NUPR2: variants seen among roughly 807,000 people sequenced by gnomAD.
NUPR2 encodes nuclear protein 2.
A neutral mutation model predicts 7.3 loss-of-function variants in NUPR2; 14 were observed. The observed-to-expected ratio is 1.93, with a 90% CI of 1.27 to 3.01. NUPR2 has a LOEUF of 3.01. NUPR2 is among the 30% of genes most tolerant of loss of function. NUPR2 has a pLI of 0.00. For missense variants in NUPR2, 162 were observed against 143.7 expected, an observed-to-expected ratio of 1.13 and a Z score of -0.65; for synonymous variants, 56 against 59.7, an observed-to-expected ratio of 0.94 and a Z score of 0.29.
At chr7:56,115,009 C>G (rs1310686582) in intron 1 of NUPR2, 112 bp from the exon 2 acceptor site, 2 of 151,904 alleles carry the variant, frequency 1.3e-5, no homozygotes, top group African/African-American at 4.8e-5. Context: ...GATCATGGCT[C>G]ACTGCAGCCT....
chr7:56,115,394 CATATATATATATATATATAT>C (rs1201360215), intron 1 of NUPR2, among the ~76,000 whole-genome samples: 1 of 30,736 alleles, frequency 3.3e-5, no homozygotes, highest in Non-Finnish European at 5.3e-5. Context: ...GGCTCGATCG[CATATATATATATATATATAT>C]ATATATATAT....
chr7:56,116,193 G>T lies in NUPR2; in HGVS notation c.122C>A (p.Pro41Gln), dbSNP rs1399244963. The T allele has an allele frequency of 1.3e-6, 2 of 1,548,884 alleles. No individual in the cohort carries two copies. Among genetic ancestry groups the T allele is most frequent in the East Asian group, 2.5e-5 (1 of 40,686 alleles). ...CTTGCTGCGCCCTGCCCCGCAGGCC[G>T]GGAAGTCGCGCAGGTAGTAGTAGTC... Reference protein sequence around the residue: ...CLDYYYLRDFPACGAGRSKGR... With the variant: ...CLDYYYLRDFQACGAGRSKGR... The change falls in exon 1 of 2, where the codon CCG becomes CAG. Residue 41 changes from proline (P) to glutamine (Q), a missense_variant. Physicochemically the swap from Pro to Gln is moderately conservative, Grantham distance 76. Coordinates refer to ENST00000329309, the MANE Select transcript of NUPR2 (RefSeq NM_001145712.2).
rs1785525865 is a variant in NUPR2, at chr7:56,115,419, A to ACATATG, written c.*7-523_*7-522insCATATG. 4.4e-3 allele frequency among the ~76,000 whole-genome samples: 65 copies of ACATATG among 14,860 alleles called. 1 individual carries two copies. Among genetic ancestry groups the ACATATG allele is most frequent in the African/African-American group, 0.014 (20 of 1,404 alleles). The allele number at this position is 14,860 out of a possible 152,430, so 9.7% of individuals were successfully genotyped here. A position where few individuals can be genotyped will look rare whatever the true frequency, so the allele number is the denominator to read the frequency against. ...CATATATATATATATATATATATAT[A>ACATATG]TATATATATTTGTGTGTGTGTGTGT... On this transcript the variant is annotated intron_variant, in intron 1 of 1. Coordinates refer to ENST00000329309, the MANE Select transcript of NUPR2 (RefSeq NM_001145712.2).
In NUPR2 at chr7:56,115,969, T is replaced by G. The variant is rs1785543004; in HGVS notation, c.*6+46A>C. 4 of 1,390,044 alleles carry G rather than the reference T, an allele frequency of 2.9e-6. No individual in the cohort carries two copies. The South Asian group carries it at 6.1e-5, about 21-fold the overall frequency. The allele number at this position is 1,390,044 out of a possible 1,614,324, so 86.1% of individuals were successfully genotyped here. On this transcript the variant is annotated intron_variant, in intron 1 of 1. Coordinates refer to ENST00000329309, the MANE Select transcript of NUPR2 (RefSeq NM_001145712.2). ...GCGCCGCGCCGTGGGGGGACGCTCC[T>G]AGGGTCCCCGGGGCACTGGTTGGGG...
Position 56,116,293 on chromosome 7 carries a change from CCCGCTCTGCGGGCGCTT to C in NUPR2, c.5_21del (p.Glu2GlyfsTer105). ...GCCAGAGCCTGCAGACGTGGAAGCG[CCCGCTCTGCGGGCGCTT>C]CCATCCTGCCCAGGCCTGTGGCCAC... On this transcript the variant is annotated frameshift_variant, in exon 1 of 2. Transcript: ENST00000329309. LOFTEE classifies it high-confidence loss of function. 6.9e-7 allele frequency: 1 copy of C among 1,453,712 alleles called. No homozygotes were observed. The highest frequency in any genetic ancestry group is 9.0e-7 in the Non-Finnish European group (1 of 1,108,954). The allele number at this position is 1,453,712 out of a possible 1,614,324, so 90.1% of individuals were successfully genotyped here. A position where few individuals can be genotyped will look rare whatever the true frequency, so the allele number is the denominator to read the frequency against.
At chr7:56,115,429 T>TA (rs1554376538) in intron 1 of NUPR2, among the ~76,000 whole-genome samples, 3 of 31,000 alleles carry the variant, frequency 9.7e-5, no homozygotes, top group Non-Finnish European at 1.6e-4. Flanking sequence ...ATATATATAT[T>TA]TGTGTGTGTG....
At chr7:56,115,447 G>GTATATATATATATATA (rs1167993713) in intron 1 of NUPR2, among the ~76,000 whole-genome samples, 1,785 of 35,898 alleles carry the variant, frequency 0.05, 309 homozygotes, top group East Asian at 0.19. Context: ...GTGTGTGTGT[G>GTATATATATATATATA]TGTGTGTGTG....
Position 56,116,110 on chromosome 7 carries a change from C to G in NUPR2, c.205G>C (p.Glu69Gln), listed in dbSNP as rs1464595199. Residue 69 changes from glutamate to glutamine, a missense_variant, in exon 1 of 2, where the codon GAG becomes CAG. Glu to Gln is a conservative substitution (Grantham distance 29). Transcript: ENST00000329309. ...RTNWPAPGGH[E>Q]RKVAQKLLNG... Reference sequence around the variant, plus strand: ...AGGAGCTTCTGCGCGACCTTGCGCTCGTGCCCGCCAGGTGCAGGCCAGTTG... The same window carrying G: ...AGGAGCTTCTGCGCGACCTTGCGCTGGTGCCCGCCAGGTGCAGGCCAGTTG... 2.6e-6 allele frequency: 4 copies of G among 1,540,832 alleles called. No individual in the cohort carries two copies. Among genetic ancestry groups the G allele is most frequent in the Admixed American group, 2.0e-5 (1 of 50,516 alleles).
In NUPR2 at chr7:56,116,048, A is replaced by G. The variant is rs1448897790; in HGVS notation, c.267T>C (p.His89=). 10 of 1,492,940 alleles carry G rather than the reference A, an allele frequency of 6.7e-6. No homozygotes were observed. The highest frequency in any genetic ancestry group is 8.9e-6 in the Non-Finnish European group (10 of 1,123,856). The allele number at this position is 1,492,940 out of a possible 1,614,324, so 92.5% of individuals were successfully genotyped here. A position where few individuals can be genotyped will look rare whatever the true frequency, so the allele number is the denominator to read the frequency against. ...AGGTGAGGCGAGTGCGCATCTTGGG[A>G]TGCAGCTGGCGCTGGCGGCGCTTGC... ...GQRKRRQRQL[H]PKMRTRLT The change falls in exon 1 of 2, where the codon CAT becomes CAC. Residue 89 remains histidine, a synonymous_variant. Coordinates refer to ENST00000329309, the MANE Select transcript of NUPR2 (RefSeq NM_001145712.2).
chr7:56,115,361 C>T lies in NUPR2; in HGVS notation c.*7-464G>A, dbSNP rs115562055. Among the ~76,000 whole-genome samples, 301 of 119,388 alleles carry T rather than the reference C, an allele frequency of 2.5e-3. 4 individuals are homozygous for T. The highest frequency in any genetic ancestry group is 9.3e-3 in the African/African-American group (288 of 30,920). 78.3% of individuals were successfully genotyped at this position (119,388 alleles called of 152,430 possible). ...GAGCAGTGGCGCAATCTCCGCTCGG[C>T]TCACTGTAACCTCAGCCTCCCGGGC... On this transcript the variant is annotated intron_variant, in intron 1 of 1. Coordinates refer to ENST00000329309, the MANE Select transcript of NUPR2 (RefSeq NM_001145712.2).
intron 1 of NUPR2, among the ~76,000 whole-genome samples, chr7:56,115,518 C>T (rs1309845108): frequency 1.5e-5 from 2 of 135,882 alleles, no homozygotes; most frequent in East Asian, 2.2e-4. Flanking sequence ...TGCAGTGGCA[C>T]GATCTCGGCT....
At chr7:56,115,435 G>GTATATATATATATATATATA (rs1306832660) in intron 1 of NUPR2, among the ~76,000 whole-genome samples, 2 of 32,256 alleles carry the variant, frequency 6.2e-5, no homozygotes, top group Non-Finnish European at 1.0e-4. Context: ...ATATTTGTGT[G>GTATATATATATATATATATA]TGTGTGTGTG....
rs576864762 is a variant in NUPR2, at chr7:56,115,068, G to A, written c.*7-171C>T. 3.9e-5 allele frequency among the ~76,000 whole-genome samples: 6 copies of A among 151,986 alleles called. No individual in the cohort carries two copies. The South Asian group carries it at 1.2e-3, about 31-fold the overall frequency. On this transcript the variant is annotated intron_variant, in intron 1 of 1. Transcript: ENST00000329309. ...CTGCCGCCTTAGCCACGCAAGTAGCGGGGACTACAAGCACGCGCCACCACG... is the reference window on the plus strand; with the variant it reads ...CTGCCGCCTTAGCCACGCAAGTAGCAGGGACTACAAGCACGCGCCACCACG...
intron 1 of NUPR2, 35 bp downstream of exon 1, chr7:56,115,980 G>T: frequency 7.1e-7 from 1 of 1,417,394 alleles, no homozygotes; most frequent in Non-Finnish European, 9.2e-7. Flanking sequence ...AGGGTCCCCG[G>T]GGCACTGGTT....
chr7:56,115,788 T>A (rs1385233918), intron 1 of NUPR2, among the ~76,000 whole-genome samples: 1 of 151,664 alleles, frequency 6.6e-6, no homozygotes, highest in East Asian at 2.0e-4. Context: ...CTTATATTTT[T>A]AAAAAGATGT....
In NUPR2 at chr7:56,116,126, A is replaced by G. The variant is rs1785546557; in HGVS notation, c.189T>C (p.Pro63=). 4 of 1,544,732 alleles carry G rather than the reference A, an allele frequency of 2.6e-6. No individual in the cohort carries two copies. The highest frequency in any genetic ancestry group is 2.6e-6 in the Non-Finnish European group (3 of 1,144,520). Residue 63 remains proline, a synonymous_variant, in exon 1 of 2, where the codon CCT becomes CCC. Coordinates refer to ENST00000329309, the MANE Select transcript of NUPR2 (RefSeq NM_001145712.2). The part of the protein sequence containing the change: ...RREQALRTNW[P]APGGHERKVA... ...CCTTGCGCTCGTGCCCGCCAGGTGC[A>G]GGCCAGTTGGTGCGCAGCGCCTGCT...
At chr7:56,115,429 T>TATATATATACGTATATACA (rs1554376538) in intron 1 of NUPR2, among the ~76,000 whole-genome samples, 1 of 30,988 alleles carries the variant, frequency 3.2e-5, no homozygotes, top group African/African-American at 1.5e-4. Context: ...ATATATATAT[T>TATATATATACGTATATACA]TGTGTGTGTG....
At chr7:56,115,225 C>CG (rs1225623429) in intron 1 of NUPR2, among the ~76,000 whole-genome samples, 29 of 149,358 alleles carry the variant, frequency 1.9e-4, no homozygotes, top group Non-Finnish European at 3.9e-4. Context: ...TCTGAGCCAC[C>CG]GGGCCCAGCC....
chr7:56,115,435 G>GTATATATATATATATA (rs1306832660), intron 1 of NUPR2, among the ~76,000 whole-genome samples: 15,739 of 32,078 alleles, frequency 0.49, 5,191 homozygotes, highest in Middle Eastern at 0.56. Flanking sequence ...ATATTTGTGT[G>GTATATATATATATATA]TGTGTGTGTG....
Sources: gnomAD v4.1 joint callset for allele counts (sites outside exome capture counted in the v4.1 genomes callset) on GRCh38, gnomAD v4.1.1 for gene constraint, MANE v1.5 for transcripts, NCBI Gene and HGNC (gene_info 2026-07-23, HGNC 2026-07-21) for gene names.